Variants in SUGP1 observed in about 807,000 individuals in gnomAD.
SUGP1 encodes SURP and G-patch domain containing 1.
Under a neutral mutation model 76.5 loss-of-function variants are expected in SUGP1, and 34 were observed. That is an observed-to-expected ratio of 0.44 (90% CI 0.34 to 0.59). The LOEUF is 0.59. Among genes scored for constraint, SUGP1 ranks in the 20% least tolerant of loss-of-function variants. The pLI is 0.01. For missense variants in SUGP1, 752 were observed against 851.7 expected (o/e 0.88, Z 1.46); for synonymous variants, 326 against 326.2 (o/e 1.00, Z 0.01).
intron 2 of SUGP1, among the ~76,000 whole-genome samples, chr19:19,313,382 T>C (rs1371949436): frequency 1.3e-5 from 2 of 151,936 alleles, no homozygotes; most frequent in African/African-American, 2.4e-5. Flanking sequence ...ACAACAGAGT[T>C]AGACTTCATC....
At chr19:19,316,736 C>A in intron 1 of SUGP1, 143 bp from the exon 2 acceptor site, 2 of 912,844 alleles carry the variant, frequency 2.2e-6, no homozygotes, top group Non-Finnish European at 3.3e-6. Context: ...TTACAGAGTG[C>A]CTGCTGCATA....
chr19:19,315,062 T>A (rs1413885793), intron 2 of SUGP1, among the ~76,000 whole-genome samples: 1 of 152,142 alleles, frequency 6.6e-6, no homozygotes, highest in Non-Finnish European at 1.5e-5. Flanking sequence ...CTGGGTGCAG[T>A]GGCTCACACC....
intron 11 of SUGP1, among the ~76,000 whole-genome samples, chr19:19,278,346 G>A (rs2061070130): frequency 6.6e-6 from 1 of 152,194 alleles, no homozygotes; most frequent in African/African-American, 2.4e-5. Flanking sequence ...GAGCCCAACA[G>A]CAGCAGAGGC....
chr19:19,277,986 T>C lies in SUGP1; in HGVS notation c.1636-107A>G, dbSNP rs534362278. The C allele has an allele frequency of 2.6e-5, 35 of 1,329,802 alleles. No homozygotes were observed. The East Asian group carries it at 6.5e-4, about 25-fold the overall frequency. The allele number at this position is 1,329,802 out of a possible 1,614,324, so 82.4% of individuals were successfully genotyped here. A position where few individuals can be genotyped will look rare whatever the true frequency, so the allele number is the denominator to read the frequency against. ...AATCAGTGCTGGGACCAGTGGCCCA[T>C]CTGCCTCCCTCTCACCAGATCAGAC... is the stretch of plus-strand genomic sequence containing the variant. On this transcript the variant is annotated intron_variant, in intron 11 of 13. Transcript: ENST00000247001.
intron 1 of SUGP1, among the ~76,000 whole-genome samples, chr19:19,318,805 G>C (rs953632402): frequency 3.3e-5 from 5 of 151,398 alleles, no homozygotes; most frequent in African/African-American, 1.2e-4. Context: ...CAGGCAACAA[G>C]ACCAGGGAGG....
At chr19:19,313,021 TAAAA>T (rs573272638) in intron 2 of SUGP1, among the ~76,000 whole-genome samples, 2 of 148,940 alleles carry the variant, frequency 1.3e-5, no homozygotes, top group East Asian at 2.0e-4. Context: ...AATAAATAAA[TAAAA>T]AAAAACAAAA....
At chr19:19,315,577 GACAGCCCCTTTGGT>G (rs1175580614) in intron 2 of SUGP1, among the ~76,000 whole-genome samples, 1 of 152,160 alleles carries the variant, frequency 6.6e-6, no homozygotes, top group East Asian at 1.9e-4. Context: ...TCCACTAAGG[GACAGCCCCTTTGGT>G]ACAGCAGCTC....
intron 1 of SUGP1, among the ~76,000 whole-genome samples, chr19:19,319,883 C>A (rs1258969866): frequency 2.6e-5 from 4 of 152,130 alleles, no homozygotes; most frequent in Admixed American, 2.6e-4. Flanking sequence ...TCCAGGAAGG[C>A]AGGGCCCTGT....
At position 19,279,272 on chromosome 19, in the gene SUGP1, T is replaced by C; in HGVS notation, c.1469A>G (p.Asp490Gly). The C allele has an allele frequency of 6.2e-7, 1 of 1,611,350 alleles. No homozygotes were observed. Among genetic ancestry groups the C allele is most frequent in the Non-Finnish European group, 8.5e-7 (1 of 1,179,788 alleles). ...GTGCTCCCAGGTGCCCAGCTCGCTG[T>C]CCACCTCCTCATCACTGTCATAGCC... ...QHGYDSDEEV[D>G]SELGTWEHQL... The change falls in exon 10 of 14, where the codon GAC (aspartate) becomes GGC (glycine). Residue 490 changes from aspartate to glycine, a missense_variant. Physicochemically the swap from Asp to Gly is moderately conservative, Grantham distance 94 (BLOSUM62 -1). Coordinates refer to ENST00000247001, the MANE Select transcript of SUGP1 (RefSeq NM_172231.4).
At chr19:19,319,525 C>T (rs917110530) in intron 1 of SUGP1, among the ~76,000 whole-genome samples, 3 of 151,616 alleles carry the variant, frequency 2.0e-5, no homozygotes, top group Non-Finnish European at 4.4e-5. Context: ...TCGCTTGAGC[C>T]TAGGAATTCC....
chr19:19,297,107 G>C lies in SUGP1; in HGVS notation c.1125C>G (p.Ser375=). The C allele has an allele frequency of 6.2e-7, 1 of 1,613,876 alleles. No individual in the cohort carries two copies. Among genetic ancestry groups the C allele is most frequent in the South Asian group, 1.1e-5 (1 of 91,080 alleles). Residue 375 remains serine (S), a synonymous_variant, in exon 8 of 14, where the codon TCC becomes TCG. Coordinates refer to ENST00000247001, the MANE Select transcript of SUGP1 (RefSeq NM_172231.4). ...TCCGCTTCCTCTTCACGGTGGCTGC[G>C]GAGGCTGGCTTCCCGGGGGCAGCTG... The part of the protein sequence containing the change: ...PAPAAPGKPA[S]AATVKRKRKS...
chr19:19,307,536 T>C (rs74354034), intron 3 of SUGP1, among the ~76,000 whole-genome samples: 3 of 152,120 alleles, frequency 2.0e-5, no homozygotes, highest in African/African-American at 7.2e-5. Flanking sequence ...GGGTCAAACA[T>C]CTGAAACTAC....
chr19:19,314,158 A>C (rs979828939), intron 2 of SUGP1, among the ~76,000 whole-genome samples: 5 of 150,322 alleles, frequency 3.3e-5, no homozygotes, highest in African/African-American at 1.2e-4. Context: ...TAAATAAATA[A>C]ATAAATAAAT....
chr19:19,276,846 A>C, intron 13 of SUGP1, 101 bp downstream of exon 13: 1 of 1,564,176 alleles, frequency 6.4e-7, no homozygotes. Flanking sequence ...CTCGCTGGTG[A>C]GACCCAGCCT....
chr19:19,276,833 G>C (rs1177836102), intron 13 of SUGP1, 114 bp downstream of exon 13: 9 of 1,551,358 alleles, frequency 5.8e-6, no homozygotes, highest in African/African-American at 4.0e-5. Context: ...GGGTGGTAGG[G>C]GGCTCGCTGG....
chr19:19,276,624 A>C lies in SUGP1; in HGVS notation c.*24T>G, dbSNP rs2061051302. ...ACAGTCCAGGGACGGTTGGTCATTC[A>C]GAAAGTATGTATTTCCAGAACACTC... On this transcript the variant is annotated 3_prime_UTR_variant, in exon 14 of 14. Transcript: ENST00000247001. 2 of 1,614,000 alleles carry C rather than the reference A, an allele frequency of 1.2e-6. No individual in the cohort carries two copies. The highest frequency in any genetic ancestry group is 1.7e-6 in the Non-Finnish European group (2 of 1,179,998).
intron 8 of SUGP1, among the ~76,000 whole-genome samples, chr19:19,287,853 A>G (rs1276339963): frequency 2.0e-5 from 3 of 152,186 alleles, no homozygotes; most frequent in African/African-American, 7.2e-5. Context: ...TTTTTAGGGA[A>G]ATGAAAAAGA....
At chr19:19,304,519 C>T (rs2061300513) in intron 4 of SUGP1, among the ~76,000 whole-genome samples, 1 of 152,194 alleles carries the variant, frequency 6.6e-6, no homozygotes, top group South Asian at 2.1e-4. Context: ...TGCTCAATGC[C>T]ACAGGCTTAA....
At chr19:19,276,758 G>A (rs2061052525) in intron 13 of SUGP1, 84 bp from the exon 14 acceptor site, 1 of 1,597,602 alleles carries the variant, frequency 6.3e-7, no homozygotes, top group Non-Finnish European at 8.6e-7. Flanking sequence ...TCCGGAGGCA[G>A]CTGAGCCCGC....
Sources: allele counts gnomAD v4.1 joint callset (sites outside exome capture counted in the v4.1 genomes callset), GRCh38; gene constraint gnomAD v4.1.1; transcripts MANE v1.5; gene names NCBI Gene and HGNC (gene_info 2026-07-23, HGNC 2026-07-21).